Variants in PLCE1 observed in about 807,000 individuals in gnomAD.
PLCE1 encodes 1-phosphatidylinositol 4,5-bisphosphate phosphodiesterase epsilon-1.
A neutral mutation model predicts 242.8 loss-of-function variants in PLCE1; 119 were observed. The ratio of observed to expected loss-of-function variants is 0.49; its 90% confidence interval spans 0.42 to 0.57. The LOEUF (loss-of-function observed/expected upper bound fraction) is 0.57, where lower values mean the gene tolerates loss of function less well. Ranked by LOEUF, PLCE1 falls within the 20% of genes least tolerant of loss-of-function variation. PLCE1 has a pLI of 0.00. For synonymous variants in PLCE1, 945 were observed against 1,017.4 expected, an observed-to-expected ratio of 0.93 and a Z score of 1.35; for missense variants, 2,441 against 2,788.8, an observed-to-expected ratio of 0.88 and a Z score of 2.81.
intron 3 of PLCE1, among the ~76,000 whole-genome samples, chr10:94,150,504 A>T (rs2047240055): frequency 6.6e-6 from 1 of 152,220 alleles, no homozygotes; most frequent in Non-Finnish European, 1.5e-5. Context: ...TCAGAGGCAC[A>T]CCAAAGTATT....
chr10:94,151,978 G>C (rs374358771), intron 3 of PLCE1, among the ~76,000 whole-genome samples: 3 of 151,958 alleles, frequency 2.0e-5, no homozygotes, highest in East Asian at 3.9e-4. Flanking sequence ...AATGGAACTG[G>C]ACCCCCTACC....
intron 4 of PLCE1, among the ~76,000 whole-genome samples, chr10:94,204,008 A>G (rs1392543531): frequency 6.6e-6 from 1 of 152,228 alleles, no homozygotes; most frequent in Non-Finnish European, 1.5e-5. Flanking sequence ...TAAATTGTAA[A>G]ATATCAGCAT....
intron 2 of PLCE1, among the ~76,000 whole-genome samples, chr10:94,052,645 C>CT (rs1211859091): frequency 6.6e-6 from 1 of 151,854 alleles, no homozygotes; most frequent in Non-Finnish European, 1.5e-5. Context: ...CTTTCTTTTT[C>CT]TTTTTTTCTT....
chr10:94,123,234 G>C (rs2046347624), intron 2 of PLCE1, among the ~76,000 whole-genome samples: 1 of 152,186 alleles, frequency 6.6e-6, no homozygotes, highest in Non-Finnish European at 1.5e-5. Context: ...ATTGGAAGAA[G>C]TTGTATGGAA....
intron 7 of PLCE1, among the ~76,000 whole-genome samples, chr10:94,241,924 GGCGCT>G (rs1238623960): frequency 2.0e-5 from 3 of 152,154 alleles, no homozygotes; most frequent in Non-Finnish European, 4.4e-5. Flanking sequence ...TACCAAGACA[GGCGCT>G]GTGCTAAGTG....
intron 22 of PLCE1, chr10:94,287,116 G>A (rs1252113583): frequency 6.6e-6 from 1 of 152,208 alleles, no homozygotes; most frequent in Non-Finnish European, 1.5e-5. Flanking sequence ...GAGCTTCTAA[G>A]CATGTGGTTG....
intron 2 of PLCE1, chr10:94,108,847 A>G (rs183298894): frequency 6.6e-6 from 1 of 152,360 alleles, no homozygotes; most frequent in African/African-American, 2.4e-5. Context: ...ACAATACATC[A>G]TACACAGTGA....
intron 2 of PLCE1, among the ~76,000 whole-genome samples, chr10:94,056,954 T>A (rs956936183): frequency 2.6e-4 from 39 of 152,188 alleles, no homozygotes; most frequent in African/African-American, 9.2e-4. Context: ...GTTTCTAAGG[T>A]TCATCATGTT....
chr10:94,069,577 C>T (rs148331039), intron 2 of PLCE1, among the ~76,000 whole-genome samples: 124 of 152,272 alleles, frequency 8.1e-4, no homozygotes, highest in Non-Finnish European at 1.4e-3. Flanking sequence ...CACACCACTG[C>T]ACTCCAGCCT....
In PLCE1 at chr10:94,031,114, A is replaced by G; in HGVS notation, c.68A>G (p.Gln23Arg). The G allele has an allele frequency of 6.2e-7, 1 of 1,613,810 alleles. No homozygotes were observed. The highest frequency in any genetic ancestry group is 8.5e-7 in the Non-Finnish European group (1 of 1,179,786). Residue 23 changes from glutamine (Q) to arginine (R), a missense_variant, in exon 2 of 33, where the codon CAG (glutamine) becomes CGG (arginine). Coordinates refer to ENST00000371380, the MANE Select transcript of PLCE1 (RefSeq NM_016341.4). ...PVTQRKVVSAQSAADESSEKV... is the reference protein window; with the variant it reads ...PVTQRKVVSARSAADESSEKV... The stretch of plus-strand genomic sequence containing the variant: ...ACTCAGAGAAAAGTGGTTTCTGCCC[A>G]GTCGGCTGCAGATGAAAGTAGTGAA...
intron 4 of PLCE1, among the ~76,000 whole-genome samples, chr10:94,223,285 A>G (rs2049824421): frequency 6.7e-6 from 1 of 149,776 alleles, no homozygotes; most frequent in East Asian, 2.0e-4. Context: ...GCCTTCCTGC[A>G]GAAGGAACAA....
chr10:93,996,268 A>C (rs2060819230), intron 1 of PLCE1, among the ~76,000 whole-genome samples: 1 of 152,234 alleles, frequency 6.6e-6, no homozygotes, highest in Admixed American at 6.5e-5. Flanking sequence ...CTGGGTTCAG[A>C]AGGAGAAGCA....
intron 7 of PLCE1, among the ~76,000 whole-genome samples, chr10:94,237,987 AGAAG>A (rs1457036654): frequency 6.6e-6 from 1 of 152,122 alleles, no homozygotes; most frequent in Non-Finnish European, 1.5e-5. Flanking sequence ...CAGCAAAGAA[AGAAG>A]GGACAATCTC....
chr10:94,237,007 T>A (rs947164824), intron 7 of PLCE1, among the ~76,000 whole-genome samples: 1 of 152,194 alleles, frequency 6.6e-6, no homozygotes, highest in African/African-American at 2.4e-5. Context: ...ATGTATACTA[T>A]GTAGTCTATA....
intron 3 of PLCE1, among the ~76,000 whole-genome samples, chr10:94,132,766 C>T (rs976193116): frequency 8.6e-5 from 13 of 151,926 alleles, no homozygotes; most frequent in African/African-American, 1.9e-4. Context: ...CTGGCCAACA[C>T]GGTGGAACAC....
At chr10:94,288,439 A>G (rs562954754) in intron 22 of PLCE1, among the ~76,000 whole-genome samples, 1 of 152,264 alleles carries the variant, frequency 6.6e-6, no homozygotes, top group South Asian at 2.1e-4. Flanking sequence ...TTCTCACTCA[A>G]AAGTGGAGTT....
At chr10:94,198,322 G>T (rs2048888937) in intron 4 of PLCE1, among the ~76,000 whole-genome samples, 1 of 152,190 alleles carries the variant, frequency 6.6e-6, no homozygotes, top group Middle Eastern at 3.2e-3. Context: ...GAAGGTAGAA[G>T]ATCTAGGCTC....
At chr10:94,216,309 A>C (rs1326538565) in intron 4 of PLCE1, among the ~76,000 whole-genome samples, 1 of 152,188 alleles carries the variant, frequency 6.6e-6, no homozygotes, top group Non-Finnish European at 1.5e-5. Flanking sequence ...TATAGGAAGC[A>C]GATCAGAGCT....
chr10:94,036,171 G>A (rs555231487), intron 2 of PLCE1, among the ~76,000 whole-genome samples: 3 of 152,200 alleles, frequency 2.0e-5, no homozygotes, highest in Non-Finnish European at 4.4e-5. Flanking sequence ...TGTTATTGTG[G>A]CGTTAAATGA....
Sources: gnomAD v4.1 joint callset for allele counts (sites outside exome capture counted in the v4.1 genomes callset) on GRCh38, gnomAD v4.1.1 for gene constraint, MANE v1.5 for transcripts, NCBI Gene and HGNC (gene_info 2026-07-23, HGNC 2026-07-21) for gene names.